PLCG1: variants seen among roughly 807,000 people sequenced by gnomAD.
PLCG1 encodes phospholipase C gamma 1.
PLCG1 carries 71 observed loss-of-function variants against 177.8 expected under a neutral mutation model. That is an observed-to-expected ratio of 0.40 (90% CI 0.33 to 0.49). The LOEUF is 0.49. PLCG1 is among the 20% of genes least tolerant of loss of function. The pLI, the probability that PLCG1 is intolerant of heterozygous loss-of-function variation, is 0.72. For synonymous variants in PLCG1, 658 were observed against 647.9 expected (o/e 1.02, Z -0.24); for missense variants, 1,281 against 1,709.0 (o/e 0.75, Z 4.42).
chr20:41,145,424 C>A (rs1271231448), intron 1 of PLCG1, among the ~76,000 whole-genome samples: 1 of 152,298 alleles, frequency 6.6e-6, no homozygotes, highest in East Asian at 1.9e-4. Flanking sequence ...TGGCTGACAT[C>A]TTTGAAATAG....
intron 24 of PLCG1, among the ~76,000 whole-genome samples, chr20:41,171,621 A>T (rs1029836320): frequency 1.3e-5 from 2 of 151,198 alleles, no homozygotes; most frequent in Non-Finnish European, 2.9e-5. Flanking sequence ...CCACTGAAAG[A>T]AAGTCCTCCA....
Position 41,163,258 on chromosome 20 carries a change from C to A in PLCG1, c.772C>A (p.Leu258Ile). Residue 258 changes from leucine (L) to isoleucine (I), a missense_variant, in exon 8 of 32, where the codon CTT becomes ATT. Transcript: ENST00000685551. This position sits in a 1 kb window ranked among gnomAD's most constrained non-coding sequence, Gnocchi z 5.2. ...RVSLPEFQQF[L>I]LDYQGELWAV... Reference sequence around the variant, plus strand: ...GTCCCTTCCTGAGTTCCAGCAGTTCCTTCTTGACTACCAGGGGGTATGGCT... The same window carrying A: ...GTCCCTTCCTGAGTTCCAGCAGTTCATTCTTGACTACCAGGGGGTATGGCT... 6.4e-7 allele frequency: 1 copy of A among 1,558,624 alleles called. No individual in the cohort carries two copies. The highest frequency in any genetic ancestry group is 8.7e-7 in the Non-Finnish European group (1 of 1,154,626).
At position 41,163,850 on chromosome 20, in the gene PLCG1, C is replaced by T. The variant is rs1314358932; in HGVS notation, c.1010+17C>T. The stretch of plus-strand genomic sequence containing the variant: ...GCACAACACGTGAGTGTGGCTCCTT[C>T]AGGCCCACCCAGCTTCTTCCCCAGG... On this transcript the variant is annotated intron_variant, in intron 10 of 31. Coordinates refer to ENST00000685551, the MANE Select transcript of PLCG1 (RefSeq NM_002660.3). This position sits in a 1 kb window ranked among gnomAD's most constrained non-coding sequence, Gnocchi z 5.2. The T allele has an allele frequency of 1.2e-6, 2 of 1,608,522 alleles. No individual in the cohort carries two copies. Among genetic ancestry groups the T allele is most frequent in the Admixed American group, 1.7e-5 (1 of 60,006 alleles).
chr20:41,164,682 C>T lies in PLCG1; in HGVS notation c.1218-251C>T, dbSNP rs1333525167. Reference sequence around the variant, plus strand: ...TCTTTGGTGTGAAACATTTTTCTTGCACTGCTGAGCAGCCTCCATAATTGG... The same window carrying T: ...TCTTTGGTGTGAAACATTTTTCTTGTACTGCTGAGCAGCCTCCATAATTGG... On this transcript the variant is annotated intron_variant, in intron 12 of 31. Coordinates refer to ENST00000685551, the MANE Select transcript of PLCG1 (RefSeq NM_002660.3). The surrounding 1 kb of genome is among the most constrained non-coding windows in gnomAD (Gnocchi z 6.4). 6.6e-6 allele frequency among the ~76,000 whole-genome samples: 1 copy of T among 152,166 alleles called. No homozygotes were observed. The highest frequency in any genetic ancestry group is 1.9e-4 in the East Asian group (1 of 5,174).
At chr20:41,145,160 A>AACAAGG (rs2034958764) in intron 1 of PLCG1, among the ~76,000 whole-genome samples, 1 of 152,192 alleles carries the variant, frequency 6.6e-6, no homozygotes, top group African/African-American at 2.4e-5. Context: ...AATGGCTGGC[A>AACAAGG]ACAAGGAAGG....
rs1792062311 is a variant in PLCG1, at chr20:41,148,966, G to A, written c.218-10640G>A. 2.6e-5 allele frequency among the ~76,000 whole-genome samples: 4 copies of A among 152,202 alleles called. No homozygotes were observed. ...CTTTGTGCTCAATTTCCTCACTCGG[G>A]AATTGGGGACCCTAATACTTACTTC... On this transcript the variant is annotated intron_variant, in intron 1 of 31. Coordinates refer to ENST00000685551, the MANE Select transcript of PLCG1 (RefSeq NM_002660.3). The surrounding 1 kb of genome is among the most constrained non-coding windows in gnomAD (Gnocchi z 4.3).
In PLCG1 at chr20:41,164,136, TACC is replaced by T; in HGVS notation, c.1157_1159del (p.Thr386del). On this transcript the variant is annotated inframe_deletion, in exon 12 of 32. Transcript: ENST00000685551. This position sits in a 1 kb window ranked among gnomAD's most constrained non-coding sequence, Gnocchi z 6.4. ...CAGTTATTTACCATGGGCACACCCT[TACC>T]ACCAAGATCAAGTTCTCAGATGTCC... is the stretch of plus-strand genomic sequence containing the variant. 6.2e-7 allele frequency: 1 copy of T among 1,614,046 alleles called. No homozygotes were observed. Among genetic ancestry groups the T allele is most frequent in the Non-Finnish European group, 8.5e-7 (1 of 1,179,984 alleles).
Position 41,163,636 on chromosome 20 carries a change from C to A in PLCG1, c.892-79C>A. 8.8e-7 allele frequency: 1 copy of A among 1,134,242 alleles called. No individual in the cohort carries two copies. The highest frequency in any genetic ancestry group is 1.3e-6 in the Non-Finnish European group (1 of 746,882). The allele number at this position is 1,134,242 out of a possible 1,614,324, so 70.3% of individuals were successfully genotyped here. On this transcript the variant is annotated intron_variant, in intron 9 of 31. Coordinates refer to ENST00000685551, the MANE Select transcript of PLCG1 (RefSeq NM_002660.3). The surrounding 1 kb of genome is among the most constrained non-coding windows in gnomAD (Gnocchi z 5.2). Reference sequence around the variant, plus strand: ...CCCCAGTTGGGACAGAGCACTCTCTCTCCTACCCCCAACCTACCATCTTGG... The same window carrying A: ...CCCCAGTTGGGACAGAGCACTCTCTATCCTACCCCCAACCTACCATCTTGG...
Position 41,159,387 on chromosome 20 carries a change from C to CT in PLCG1, c.218-219_218-218insT, listed in dbSNP as rs2035421214. Among the ~76,000 whole-genome samples, 1 of 152,140 alleles carries CT rather than the reference C, an allele frequency of 6.6e-6. No homozygotes were observed. The highest frequency in any genetic ancestry group is 1.5e-5 in the Non-Finnish European group (1 of 68,018). On this transcript the variant is annotated intron_variant, in intron 1 of 31. Coordinates refer to ENST00000685551, the MANE Select transcript of PLCG1 (RefSeq NM_002660.3). The surrounding 1 kb of genome is among the most constrained non-coding windows in gnomAD (Gnocchi z 6.0). ...ACACCCCACAGAACCACCTTTCCCC[C>CT]ATATAGCCCTCTCTGACATCTCAGC...
Position 41,160,084 on chromosome 20 carries a change from C to A in PLCG1, c.465-22C>A. The A allele has an allele frequency of 6.2e-7, 1 of 1,613,780 alleles. No individual in the cohort carries two copies. On this transcript the variant is annotated intron_variant, in intron 3 of 31. Coordinates refer to ENST00000685551, the MANE Select transcript of PLCG1 (RefSeq NM_002660.3). The surrounding 1 kb of genome is among the most constrained non-coding windows in gnomAD (Gnocchi z 5.5). The stretch of plus-strand genomic sequence containing the variant: ...TGACTGTAGATGGAGAAGTGGCCCT[C>A]ACCTCAGGCTTCTCTCTCCAGGTGG...
At position 41,148,760 on chromosome 20, in the gene PLCG1, A is replaced by C. The variant is rs2146010355; in HGVS notation, c.218-10846A>C. 6.6e-6 allele frequency among the ~76,000 whole-genome samples: 1 copy of C among 152,304 alleles called. No homozygotes were observed. The highest frequency in any genetic ancestry group is 2.1e-4 in the South Asian group (1 of 4,832). Reference sequence around the variant, plus strand: ...AATAAATACTGTGAAGCAGGAGTGCACCACGAAACCTGGAGTCCTCTCCAT... The same window carrying C: ...AATAAATACTGTGAAGCAGGAGTGCCCCACGAAACCTGGAGTCCTCTCCAT... On this transcript the variant is annotated intron_variant, in intron 1 of 31. Coordinates refer to ENST00000685551, the MANE Select transcript of PLCG1 (RefSeq NM_002660.3). The surrounding 1 kb of genome is among the most constrained non-coding windows in gnomAD (Gnocchi z 4.3).
At chr20:41,169,388 C>A in intron 22 of PLCG1, 69 bp from the exon 23 acceptor site, 2 of 1,230,542 alleles carry the variant, frequency 1.6e-6, no homozygotes, top group Non-Finnish European at 2.4e-6. Flanking sequence ...TTGTCCCATG[C>A]ACACGGATAT....
In PLCG1 at chr20:41,165,302, T is replaced by C. The variant is rs1444189416; in HGVS notation, c.1444T>C (p.Ser482Pro). 10 of 1,614,010 alleles carry C rather than the reference T, an allele frequency of 6.2e-6. No individual in the cohort carries two copies. The highest frequency in any genetic ancestry group is 1.7e-5 in the Admixed American group (1 of 60,004). Residue 482 changes from serine (S) to proline (P), a missense_variant, in exon 14 of 32, where the codon TCT (serine) becomes CCT (proline). This residue lies in a region of PLCG1 where 723 missense variants were observed against 1,030.0 expected (regional missense o/e 0.70). Coordinates refer to ENST00000685551, the MANE Select transcript of PLCG1 (RefSeq NM_002660.3). The surrounding 1 kb of genome is among the most constrained non-coding windows in gnomAD (Gnocchi z 6.6). ...GGAGGTGCCTACATCCATGATGTAC[T>C]CTGAGAACGACATCAGCAACTCTAT... ...YEEVPTSMMY[S>P]ENDISNSIKN...
At position 41,147,695 on chromosome 20, in the gene PLCG1, A is replaced by G. The variant is rs921313151; in HGVS notation, c.217+9837A>G. 6.6e-6 allele frequency among the ~76,000 whole-genome samples: 1 copy of G among 152,146 alleles called. No individual in the cohort carries two copies. Among genetic ancestry groups the G allele is most frequent in the African/African-American group, 2.4e-5 (1 of 41,428 alleles). ...GAAATCCCATCTCTACTAAAAATACAAAAATTAACCAGGCGTGGTGTCAGG... is the reference window on the plus strand; with the variant it reads ...GAAATCCCATCTCTACTAAAAATACGAAAATTAACCAGGCGTGGTGTCAGG... On this transcript the variant is annotated intron_variant, in intron 1 of 31. Transcript: ENST00000685551. The surrounding 1 kb of genome is among the most constrained non-coding windows in gnomAD (Gnocchi z 4.0).
intron 1 of PLCG1, among the ~76,000 whole-genome samples, chr20:41,154,142 G>C (rs2035248448): frequency 6.6e-6 from 1 of 152,146 alleles, no homozygotes; most frequent in African/African-American, 2.4e-5. Flanking sequence ...AGAGAGATGG[G>C]TCCAGGCCTC....
Position 41,166,378 on chromosome 20 carries a change from G to A in PLCG1, c.1984G>A (p.Ala662Thr). 1.2e-6 allele frequency: 2 copies of A among 1,614,072 alleles called. No homozygotes were observed. Among genetic ancestry groups the A allele is most frequent in the South Asian group, 2.2e-5 (2 of 91,084 alleles). Reference protein sequence around the residue: ...RLSEPVPQTNAHESKEWYHAS... With the variant: ...RLSEPVPQTNTHESKEWYHAS... ...TTCAGAGCCTGTCCCACAGACCAAC[G>A]CCCACGAGAGCAAAGAGTGAGGGAA... is the stretch of plus-strand genomic sequence containing the variant. The change falls in exon 17 of 32, where the codon GCC becomes ACC. Residue 662 changes from alanine (A) to threonine (T), a missense_variant. This residue lies in a region of PLCG1 where 723 missense variants were observed against 1,030.0 expected (regional missense o/e 0.70). Transcript: ENST00000685551. This position sits in a 1 kb window ranked among gnomAD's most constrained non-coding sequence, Gnocchi z 8.6.
Position 41,162,953 on chromosome 20 carries a change from T to C in PLCG1, c.682-5T>C. ...CTTGCCCTGACCAGGTTCTGTTTCC[T>C]GCAGATGGACCTCCCCTTCTTGGAA... On this transcript the variant is annotated splice_region_variant and splice_polypyrimidine_tract_variant and intron_variant, in intron 6 of 31. Transcript: ENST00000685551. 6.2e-7 allele frequency: 1 copy of C among 1,614,012 alleles called. No homozygotes were observed. Among genetic ancestry groups the C allele is most frequent in the Non-Finnish European group, 8.5e-7 (1 of 1,179,854 alleles).
chr20:41,172,712 TA>T lies in PLCG1; in HGVS notation c.3131-15del. 1 of 1,613,458 alleles carries T rather than the reference TA, an allele frequency of 6.2e-7. No homozygotes were observed. The highest frequency in any genetic ancestry group is 1.1e-5 in the South Asian group (1 of 91,058). Reference sequence around the variant, plus strand: ...GGGGCAGCTGGACTGGAATACACCATAATCTGCCTCTTCCAGACAAGCCTAT... The same window carrying T: ...GGGGCAGCTGGACTGGAATACACCATATCTGCCTCTTCCAGACAAGCCTAT... On this transcript the variant is annotated splice_polypyrimidine_tract_variant and intron_variant, in intron 26 of 31. Coordinates refer to ENST00000685551, the MANE Select transcript of PLCG1 (RefSeq NM_002660.3). The surrounding 1 kb of genome is among the most constrained non-coding windows in gnomAD (Gnocchi z 7.0).
rs1382190255 is a variant in PLCG1 at position 41,162,559 on chromosome 20, T to C, written c.597+23T>C. On this transcript the variant is annotated intron_variant, in intron 5 of 31. Coordinates refer to ENST00000685551, the MANE Select transcript of PLCG1 (RefSeq NM_002660.3). The stretch of plus-strand genomic sequence containing the variant: ...ACGGTAAGTGCCACCCAGGGCTGTC[T>C]GTAGATGGGGGCAGGGGAAGCCAAG... The C allele has an allele frequency of 5.0e-6, 8 of 1,611,804 alleles. No individual in the cohort carries two copies. The East Asian group carries it at 1.8e-4, about 36-fold the overall frequency.
Sources: gnomAD v4.1 joint callset for allele counts (sites outside exome capture counted in the v4.1 genomes callset) on GRCh38, gnomAD v4.1.1 for gene constraint, gnomAD v4.1.1 regional missense constraint, Gnocchi (gnomAD v3.1) non-coding constraint, MANE v1.5 for transcripts, NCBI Gene and HGNC (gene_info 2026-07-23, HGNC 2026-07-21) for gene names.